The following SGCZ variants were observed in gnomAD, a reference collection of about 807,000 sequenced individuals.
SGCZ encodes sarcoglycan zeta, also known as zeta-sarcoglycan.
In SGCZ, 40 loss-of-function variants were observed where a neutral mutation model predicts 41.3. That is an observed-to-expected ratio of 0.97 (90% confidence interval 0.75 to 1.26). The LOEUF (loss-of-function observed/expected upper bound fraction) is 1.26. SGCZ is among the 50% of genes most tolerant of loss of function. The pLI is 0.00. For synonymous variants in SGCZ, 206 were observed against 137.5 expected (o/e 1.50, Z -3.49); for missense variants, 552 against 369.8 (o/e 1.49, Z -4.04).
At chr8:14,128,066 A>C (rs995409078) in intron 5 of SGCZ, among the ~76,000 whole-genome samples, 1 of 152,176 alleles carries the variant, frequency 6.6e-6, no homozygotes, top group African/African-American at 2.4e-5. Flanking sequence ...GATAATAGCT[A>C]TCATTAAACA....
chr8:14,681,040 T>C (rs1663069291), intron 1 of SGCZ, among the ~76,000 whole-genome samples: 1 of 147,066 alleles, frequency 6.8e-6, no homozygotes, highest in South Asian at 2.1e-4. Flanking sequence ...TTAATTGAAA[T>C]CCATAGATGA....
At chr8:15,186,145 C>T (rs1400001469) in intron 1 of SGCZ, among the ~76,000 whole-genome samples, 1 of 149,660 alleles carries the variant, frequency 6.7e-6, no homozygotes, top group African/African-American at 2.5e-5. Flanking sequence ...GCCTGTAGTC[C>T]CAGCTACTCG....
chr8:14,972,788 A>T (rs1801344898), intron 1 of SGCZ, among the ~76,000 whole-genome samples: 1 of 152,038 alleles, frequency 6.6e-6, no homozygotes, highest in African/African-American at 2.4e-5. Flanking sequence ...CCATATCTGC[A>T]CTCCTGATCT....
intron 2 of SGCZ, among the ~76,000 whole-genome samples, chr8:14,427,336 G>C (rs1166215452): frequency 3.3e-5 from 5 of 150,850 alleles, no homozygotes. Flanking sequence ...AACTTAAAAG[G>C]GAAAAACAAA....
At chr8:14,820,860 C>T (rs1345600368) in intron 1 of SGCZ, among the ~76,000 whole-genome samples, 1 of 146,360 alleles carries the variant, frequency 6.8e-6, no homozygotes, top group Non-Finnish European at 1.5e-5. Flanking sequence ...TAGCAATAAA[C>T]CCCTAGATCA....
At chr8:14,182,019 A>G (rs931664512) in intron 4 of SGCZ, among the ~76,000 whole-genome samples, 2 of 152,160 alleles carry the variant, frequency 1.3e-5, no homozygotes, top group African/African-American at 4.8e-5. Flanking sequence ...ATGTTTTACT[A>G]GCAGGCATCA....
intron 5 of SGCZ, among the ~76,000 whole-genome samples, chr8:14,143,199 T>C (rs1586295): frequency 0.99 from 150,021 of 152,244 alleles, 73,947 homozygotes; most frequent in East Asian, 1. Context: ...TAAAAACCTA[T>C]AGCAAACATT....
intron 1 of SGCZ, among the ~76,000 whole-genome samples, chr8:15,214,113 T>C (rs1210026985): frequency 1.3e-5 from 2 of 152,010 alleles, no homozygotes; most frequent in African/African-American, 4.8e-5. Flanking sequence ...TCTCTGATGA[T>C]CAGCCATGTG....
intron 3 of SGCZ, among the ~76,000 whole-genome samples, chr8:14,243,409 C>G (rs1798961343): frequency 6.6e-6 from 1 of 152,124 alleles, no homozygotes; most frequent in African/African-American, 2.4e-5. Context: ...ATTTAAAACT[C>G]ACATCGCAAT....
chr8:14,602,034 G>A (rs1272508919), intron 1 of SGCZ, among the ~76,000 whole-genome samples: 1 of 151,940 alleles, frequency 6.6e-6, no homozygotes, highest in Admixed American at 6.6e-5. Context: ...GCAGGAGAAT[G>A]GCATGAACCC....
intron 1 of SGCZ, among the ~76,000 whole-genome samples, chr8:14,618,012 C>T (rs9643920): frequency 0.34 from 51,516 of 151,588 alleles, 8,988 homozygotes; most frequent in East Asian, 0.61. Flanking sequence ...TTTGAGTTTC[C>T]ATTTTTCTGA....
intron 5 of SGCZ, among the ~76,000 whole-genome samples, chr8:14,147,536 A>C (rs974238778): frequency 2.0e-5 from 3 of 152,184 alleles, no homozygotes; most frequent in Admixed American, 6.5e-5. Flanking sequence ...ATAGATCTGC[A>C]CCCAACACTG....
At chr8:15,084,336 A>C (rs1056168884) in intron 1 of SGCZ, among the ~76,000 whole-genome samples, 4 of 152,238 alleles carry the variant, frequency 2.6e-5, no homozygotes, top group African/African-American at 9.6e-5. Context: ...ATGAATTACA[A>C]CACCACAGAG....
chr8:14,868,733 G>C (rs1047082246), intron 1 of SGCZ, among the ~76,000 whole-genome samples: 2 of 152,068 alleles, frequency 1.3e-5, no homozygotes, highest in African/African-American at 4.8e-5. Flanking sequence ...CTTATAATAA[G>C]CCTCAAAATT....
intron 3 of SGCZ, among the ~76,000 whole-genome samples, chr8:14,251,841 G>C (rs1440744185): frequency 1.3e-5 from 2 of 152,062 alleles, no homozygotes; most frequent in East Asian, 1.9e-4. Context: ...TCAGCCTCCT[G>C]AGTGGCTGGG....
intron 1 of SGCZ, among the ~76,000 whole-genome samples, chr8:14,891,830 G>A (rs1805030008): frequency 6.6e-6 from 1 of 152,162 alleles, no homozygotes; most frequent in South Asian, 2.1e-4. Context: ...TCATCAGTCA[G>A]CATCTTAACA....
chr8:14,538,715 T>C (rs1223990722), intron 2 of SGCZ, among the ~76,000 whole-genome samples: 2 of 151,626 alleles, frequency 1.3e-5, no homozygotes, highest in Non-Finnish European at 2.9e-5. Context: ...GGCTATTGAG[T>C]GGTGTAAGTG....
Position 14,676,345 on chromosome 8 carries a change from G to GGTGTGTGTGTGTGTGTGTGT in SGCZ, c.40-121420_40-121419insACACACACACACACACACAC, listed in dbSNP as rs1808277103. 6.9e-5 allele frequency among the ~76,000 whole-genome samples: 4 copies of GGTGTGTGTGTGTGTGTGTGT among 57,902 alleles called. No homozygotes were observed. In the Admixed American group the frequency reaches 9.3e-4, roughly 14 times the overall value. 38.0% of individuals were successfully genotyped at this position (57,902 alleles called of 152,430 possible). On this transcript the variant is annotated intron_variant, in intron 1 of 7. Coordinates refer to ENST00000382080, the MANE Select transcript of SGCZ (RefSeq NM_139167.4). ...ATCCCACCTCTACAAAAATGAAATA[G>GGTGTGTGTGTGTGTGTGTGT]ATGTGTGTGTGTGTGTGTGTGTGTA...
At chr8:14,443,887 G>C (rs1290948486) in intron 2 of SGCZ, among the ~76,000 whole-genome samples, 1 of 152,102 alleles carries the variant, frequency 6.6e-6, no homozygotes, top group East Asian at 1.9e-4. Context: ...CTACAGAATG[G>C]GAGAAAATTT....
Sources: gnomAD v4.1 joint callset for allele counts (sites outside exome capture counted in the v4.1 genomes callset) on GRCh38, gnomAD v4.1.1 for gene constraint, MANE v1.5 for transcripts, NCBI Gene and HGNC (gene_info 2026-07-23, HGNC 2026-07-21) for gene names.